The following NEDD4L variants were observed in gnomAD, a reference collection of about 807,000 sequenced individuals.
NEDD4L encodes NEDD4 like E3 ubiquitin protein ligase.
In NEDD4L, 54 loss-of-function variants were observed where a neutral mutation model predicts 148.9. That is an observed-to-expected ratio of 0.36 (90% CI 0.29 to 0.45). The LOEUF is 0.45. Ranked by LOEUF, NEDD4L falls within the 20% of genes least tolerant of loss-of-function variation. The pLI is 1.00. For missense variants in NEDD4L, 856 were observed against 1,233.8 expected (o/e 0.69, Z 4.59); for synonymous variants, 433 against 440.7 (o/e 0.98, Z 0.22).
chr18:58,089,940 A>G lies in NEDD4L; in HGVS notation c.48+45232A>G, dbSNP rs200263637. Among the ~76,000 whole-genome samples the G allele has an allele frequency of 7.9e-5, 12 of 151,674 alleles. No homozygotes were observed. In the East Asian group the frequency reaches 2.1e-3, roughly 27 times the overall value. On this transcript the variant is annotated intron_variant, in intron 1 of 30. Transcript: ENST00000400345. ...CTGCAACCTCCATCTCCCAAGCTCAAGTGACTCTCCTGCCTCAGCCTCCTG... is the reference window on the plus strand; with the variant it reads ...CTGCAACCTCCATCTCCCAAGCTCAGGTGACTCTCCTGCCTCAGCCTCCTG...
intron 1 of NEDD4L, among the ~76,000 whole-genome samples, chr18:58,084,671 T>TTGTGTGGGTG (rs372571146): frequency 2.2e-4 from 30 of 133,824 alleles, no homozygotes; most frequent in East Asian, 9.0e-4. Flanking sequence ...TGTGGGGTTT[T>TTGTGTGGGTG]TGTGTGTGTG....
At chr18:58,308,276 C>T (rs1283445054) in intron 5 of NEDD4L, among the ~76,000 whole-genome samples, 3 of 152,202 alleles carry the variant, frequency 2.0e-5, no homozygotes, top group Non-Finnish European at 4.4e-5. Flanking sequence ...TTTAGCATTT[C>T]TTTCACAAGA....
chr18:58,058,715 T>C (rs1163507746), intron 1 of NEDD4L, among the ~76,000 whole-genome samples: 2 of 152,202 alleles, frequency 1.3e-5, no homozygotes, highest in Non-Finnish European at 2.9e-5. Context: ...TGTTTTATTA[T>C]TTAAGAGTGA....
At chr18:58,356,252 C>T (rs2044630068) in intron 18 of NEDD4L, among the ~76,000 whole-genome samples, 2 of 152,010 alleles carry the variant, frequency 1.3e-5, no homozygotes, top group Admixed American at 6.5e-5. Flanking sequence ...GCCACTGCTC[C>T]TGGCCACCCT....
intron 1 of NEDD4L, among the ~76,000 whole-genome samples, chr18:58,057,462 C>T (rs1159949689): frequency 6.6e-6 from 1 of 152,176 alleles, no homozygotes; most frequent in Non-Finnish European, 1.5e-5. Flanking sequence ...CAGCTTGCCT[C>T]TGCTGAAGTC....
chr18:58,236,892 G>A (rs1400094907), intron 2 of NEDD4L, among the ~76,000 whole-genome samples: 11 of 151,938 alleles, frequency 7.2e-5, no homozygotes, highest in African/African-American at 1.7e-4. Flanking sequence ...GCATGGTGGC[G>A]CATGACTGTA....
At chr18:58,222,856 T>C (rs1477508567) in intron 2 of NEDD4L, among the ~76,000 whole-genome samples, 1 of 152,248 alleles carries the variant, frequency 6.6e-6, no homozygotes, top group East Asian at 1.9e-4. Flanking sequence ...TTATTTCACA[T>C]TGAAAAGTAC....
intron 1 of NEDD4L, chr18:58,045,094 C>T (rs1449708773): frequency 2.5e-6 from 1 of 401,994 alleles, no homozygotes; most frequent in Non-Finnish European, 4.4e-6. Flanking sequence ...TGATGCATGT[C>T]ACGTCTGGGT....
chr18:58,235,179 G>A (rs999741113), intron 2 of NEDD4L, among the ~76,000 whole-genome samples: 1 of 152,066 alleles, frequency 6.6e-6, no homozygotes, highest in African/African-American at 2.4e-5. Flanking sequence ...GTGTTTACCA[G>A]TACACATAAT....
chr18:58,239,216 T>C (rs541122925), intron 2 of NEDD4L, among the ~76,000 whole-genome samples: 7 of 152,332 alleles, frequency 4.6e-5, no homozygotes, highest in African/African-American at 1.4e-4. Context: ...TCTTTGCCCA[T>C]AGGGAGCAAA....
chr18:58,180,420 G>A (rs1477607673), intron 2 of NEDD4L, among the ~76,000 whole-genome samples: 1 of 152,186 alleles, frequency 6.6e-6, no homozygotes, highest in Admixed American at 6.5e-5. Context: ...CGCCGCAAGG[G>A]CCAGCACCGA....
At chr18:58,291,352 A>G (rs1311488042) in intron 5 of NEDD4L, among the ~76,000 whole-genome samples, 1 of 152,242 alleles carries the variant, frequency 6.6e-6, no homozygotes, top group Non-Finnish European at 1.5e-5. Context: ...CCTGACCACA[A>G]GGATGCTGGA....
intron 1 of NEDD4L, among the ~76,000 whole-genome samples, chr18:58,151,447 G>C (rs2034727956): frequency 6.6e-6 from 1 of 152,156 alleles, no homozygotes; most frequent in South Asian, 2.1e-4. Flanking sequence ...AGCTTCAGTA[G>C]GTCTTGGATG....
chr18:58,265,794 C>G (rs2050134365), intron 5 of NEDD4L, among the ~76,000 whole-genome samples: 1 of 152,084 alleles, frequency 6.6e-6, no homozygotes, highest in African/African-American at 2.4e-5. Flanking sequence ...AAACCCCTGG[C>G]CTCAAGCAGT....
At chr18:58,085,742 T>G (rs2083728045) in intron 1 of NEDD4L, among the ~76,000 whole-genome samples, 1 of 152,246 alleles carries the variant, frequency 6.6e-6, no homozygotes, top group Non-Finnish European at 1.5e-5. Context: ...CTTTCATAGC[T>G]CACTTCCAAA....
intron 5 of NEDD4L, among the ~76,000 whole-genome samples, chr18:58,303,701 G>A (rs138715691): frequency 1.3e-5 from 2 of 152,310 alleles, no homozygotes; most frequent in East Asian, 1.9e-4. Context: ...TAGAGGATAA[G>A]GATGTAACTT....
chr18:58,367,239 G>C (rs2046229783), intron 21 of NEDD4L: 1 of 152,552 alleles, frequency 6.6e-6, no homozygotes, highest in African/African-American at 2.4e-5. Context: ...TTGCATCATT[G>C]AGAGAGCCAT....
In NEDD4L at chr18:58,371,141, A is replaced by G. The variant is rs926062036; in HGVS notation, c.2256+674A>G. 6.6e-5 allele frequency among the ~76,000 whole-genome samples: 10 copies of G among 150,486 alleles called. 1 individual carries two copies. The highest frequency in any genetic ancestry group is 2.2e-4 in the African/African-American group (9 of 40,658). On this transcript the variant is annotated intron_variant, in intron 23 of 30. Coordinates refer to ENST00000400345, the MANE Select transcript of NEDD4L (RefSeq NM_001144967.3). ...CACTTCCGCCTTGCGGATTCTAGCA[A>G]TTCCCCTGCCTCAGCCTCTCAGATA... is the stretch of plus-strand genomic sequence containing the variant.
rs138316046 is a variant in NEDD4L at position 58,236,814 on chromosome 18, G to A, written c.123-8613G>A. Among the ~76,000 whole-genome samples, 114 of 152,250 alleles carry A rather than the reference G, an allele frequency of 7.5e-4. No individual in the cohort carries two copies. In the East Asian group the frequency reaches 0.021, roughly 28 times the overall value. ...CAAGGTGGTTGGATCACCTGAGGTAGGGAGTTCAAGACTAGCCCGACCAAC... is the reference window on the plus strand; with the variant it reads ...CAAGGTGGTTGGATCACCTGAGGTAAGGAGTTCAAGACTAGCCCGACCAAC... On this transcript the variant is annotated intron_variant, in intron 2 of 30. Transcript: ENST00000400345.
Sources: allele counts gnomAD v4.1 joint callset (sites outside exome capture counted in the v4.1 genomes callset), GRCh38; gene constraint gnomAD v4.1.1; transcripts MANE v1.5; gene names NCBI Gene and HGNC (gene_info 2026-07-23, HGNC 2026-07-21).